Variants in RIMS3 observed in about 807,000 individuals in gnomAD.
The protein encoded by RIMS3 is regulating synaptic membrane exocytosis 3, also known as regulating synaptic membrane exocytosis protein 3.
RIMS3 carries 15 observed loss-of-function variants against 29.2 expected under a neutral mutation model. That is an observed-to-expected ratio of 0.51 (90% CI 0.34 to 0.79). The LOEUF (loss-of-function observed/expected upper bound fraction) is 0.79. Among genes scored for constraint, RIMS3 ranks in the 30% least tolerant of loss-of-function variants. RIMS3 has a pLI of 0.01. For missense variants in RIMS3, 342 were observed against 421.4 expected (o/e 0.81, Z 1.65); for synonymous variants, 161 against 170.1 (o/e 0.95, Z 0.41).
chr1:40,667,689 G>T (rs563928839), upstream of RIMS3, among the ~76,000 whole-genome samples: 1 of 152,248 alleles, frequency 6.6e-6, no homozygotes, highest in Non-Finnish European at 1.5e-5. Context: ...AATGAAAAGG[G>T]ATTTGTCTTA....
At chr1:40,629,157 G>A (rs1003026734) in intron 6 of RIMS3, 114 bp downstream of exon 6, 2 of 1,127,640 alleles carry the variant, frequency 1.8e-6, no homozygotes, top group Admixed American at 1.8e-5. Flanking sequence ...CAGGCAAGCT[G>A]TGACTCCACT....
chr1:40,654,268 C>T lies in RIMS3; in HGVS notation c.-206-6426G>A, dbSNP rs565857774. Among the ~76,000 whole-genome samples the T allele has an allele frequency of 6.6e-6, 1 of 152,190 alleles. No individual in the cohort carries two copies. Among genetic ancestry groups the T allele is most frequent in the Admixed American group, 6.5e-5 (1 of 15,286 alleles). On this transcript the variant is annotated intron_variant, in intron 1 of 7. Transcript: ENST00000372684. The surrounding 1 kb of genome is among the most constrained non-coding windows in gnomAD (Gnocchi z 5.3). ...GCACCAAGCCGGAAGGCGCCGCCCG[C>T]GCCTGCTGCCCACCCTGGGGACCCT...
chr1:40,626,479 C>G lies in RIMS3; in HGVS notation c.*38G>C, dbSNP rs1409071697. On this transcript the variant is annotated 3_prime_UTR_variant, in exon 8 of 8. Transcript: ENST00000372684. ...GGAGGACATGGGGCCAGCAGGCACCCCTCCCCACACCACCATCCTGGCCTC... is the reference window on the plus strand; with the variant it reads ...GGAGGACATGGGGCCAGCAGGCACCGCTCCCCACACCACCATCCTGGCCTC... 4 of 1,545,022 alleles carry G rather than the reference C, an allele frequency of 2.6e-6. No homozygotes were observed. In the East Asian group the frequency reaches 9.5e-5, roughly 37 times the overall value.
At chr1:40,643,541 A>T (rs1274156221) in intron 2 of RIMS3, among the ~76,000 whole-genome samples, 2 of 146,590 alleles carry the variant, frequency 1.4e-5, no homozygotes, top group East Asian at 4.0e-4. Flanking sequence ...CAGTGGCACG[A>T]TCTCGACTCA....
the RIMS3 span, among the ~76,000 whole-genome samples, chr1:40,675,618 C>T: frequency 1.3e-5 from 2 of 152,028 alleles, no homozygotes; most frequent in Middle Eastern, 3.4e-3. Flanking sequence ...ATTAGCCAGT[C>T]GTGGTGGTAC....
At chr1:40,650,205 G>A (rs1054401094) in intron 1 of RIMS3, among the ~76,000 whole-genome samples, 1 of 152,220 alleles carries the variant, frequency 6.6e-6, no homozygotes, top group Non-Finnish European at 1.5e-5. Flanking sequence ...GGCTCCACTA[G>A]GGGCCGCTGG....
intron 2 of RIMS3, among the ~76,000 whole-genome samples, chr1:40,643,566 A>C (rs1646574889): frequency 7.1e-6 from 1 of 140,870 alleles, no homozygotes; most frequent in Non-Finnish European, 1.5e-5. Flanking sequence ...AACCTCTGCC[A>C]CTCAGGTTCA....
chr1:40,631,713 C>T (rs1646490195), intron 5 of RIMS3, among the ~76,000 whole-genome samples: 1 of 151,674 alleles, frequency 6.6e-6, no homozygotes, highest in African/African-American at 2.4e-5. Flanking sequence ...GGTACAGTGG[C>T]TTATGCCTGT....
chr1:40,674,173 G>A, the RIMS3 span, among the ~76,000 whole-genome samples: 2 of 152,290 alleles, frequency 1.3e-5, 1 homozygote, highest in Middle Eastern at 6.8e-3. Flanking sequence ...AGGAAGAAGA[G>A]GAGGAGGAAG....
In RIMS3 at chr1:40,636,199, G is replaced by T; in HGVS notation, c.218-142C>A. 2 of 1,051,086 alleles carry T rather than the reference G, an allele frequency of 1.9e-6. No homozygotes were observed. Among genetic ancestry groups the T allele is most frequent in the Non-Finnish European group, 2.8e-6 (2 of 722,188 alleles). 65.1% of individuals were successfully genotyped at this position (1,051,086 alleles called of 1,614,324 possible). ...AGCAGGGCTCTGACTGGAGGCAGGG[G>T]CATGGCTGAGCTGACCTCAGAGCTG... On this transcript the variant is annotated intron_variant, in intron 3 of 7. Coordinates refer to ENST00000372684, the MANE Select transcript of RIMS3 (RefSeq NM_014747.3). This position sits in a 1 kb window ranked among gnomAD's most constrained non-coding sequence, Gnocchi z 4.2.
intron 1 of RIMS3, among the ~76,000 whole-genome samples, chr1:40,650,491 T>A (rs1646624323): frequency 6.6e-6 from 1 of 152,138 alleles, no homozygotes; most frequent in African/African-American, 2.4e-5. Flanking sequence ...TGTCTTCCTC[T>A]CCTATCTCCC....
In RIMS3 at chr1:40,641,985, C is replaced by G. The variant is rs1646561966; in HGVS notation, c.-31-29G>C. The G allele has an allele frequency of 3.6e-6, 5 of 1,390,032 alleles. No homozygotes were observed. In the Admixed American group the frequency reaches 9.0e-5, roughly 25 times the overall value. The allele number at this position is 1,390,032 out of a possible 1,614,324, so 86.1% of individuals were successfully genotyped here. On this transcript the variant is annotated intron_variant, in intron 2 of 7. Coordinates refer to ENST00000372684, the MANE Select transcript of RIMS3 (RefSeq NM_014747.3). ...AAGATGGGCAGGAAACAAAAGGATC[C>G]CACATCAGACCTGGATGAATCTACT...
chr1:40,664,652 C>T (rs1222427714), intron 1 of RIMS3, among the ~76,000 whole-genome samples: 1 of 152,142 alleles, frequency 6.6e-6, no homozygotes, highest in Non-Finnish European at 1.5e-5. Context: ...CACCCCATTC[C>T]AGGATCCTTC....
the RIMS3 span, among the ~76,000 whole-genome samples, chr1:40,675,109 AT>A: frequency 1.3e-5 from 2 of 151,948 alleles, no homozygotes; most frequent in African/African-American, 4.8e-5. Context: ...AGGAAAAAAA[AT>A]TTTTTTTAAT....
the RIMS3 span, among the ~76,000 whole-genome samples, chr1:40,687,027 A>G: frequency 3.3e-5 from 5 of 151,792 alleles, no homozygotes; most frequent in Non-Finnish European, 5.9e-5. Context: ...AAAATTAAAC[A>G]TAAGAATTGC....
intron 2 of RIMS3, among the ~76,000 whole-genome samples, chr1:40,645,967 G>A (rs1646592742): frequency 6.6e-6 from 1 of 152,158 alleles, no homozygotes. Flanking sequence ...CAGACCCAAA[G>A]CACTGGACCC....
the RIMS3 span, chr1:40,692,037 TCGC>T: frequency 1.0e-5 from 2 of 193,690 alleles, no homozygotes; most frequent in South Asian, 9.9e-5. Context: ...CCCGCTGCTG[TCGC>T]CGCCGCCGCG....
chr1:40,670,574 T>TTATTTTTATATATATATATATATATA (rs1553146614), upstream of RIMS3, among the ~76,000 whole-genome samples: 1 of 71,210 alleles, frequency 1.4e-5, no homozygotes, highest in Non-Finnish European at 2.4e-5. Context: ...AGTTATAATT[T>TTATTTTTATATATATATATATATATA]TATATATATA....
the RIMS3 span, chr1:40,691,969 G>A: frequency 3.2e-6 from 1 of 309,670 alleles, no homozygotes; most frequent in East Asian, 1.4e-4. Context: ...ACTTCCTCGC[G>A]CGGCCGCTGC....
Sources: allele counts gnomAD v4.1 joint callset (sites outside exome capture counted in the v4.1 genomes callset), GRCh38; gene constraint gnomAD v4.1.1; non-coding constraint Gnocchi (gnomAD v3.1); transcripts MANE v1.5; gene names NCBI Gene and HGNC (gene_info 2026-07-23, HGNC 2026-07-21).